Variants in LONRF2 observed in about 807,000 individuals in gnomAD.
The protein encoded by LONRF2 is LON peptidase N-terminal domain and ring finger 2.
A neutral mutation model predicts 66.6 loss-of-function variants in LONRF2; 35 were observed. The ratio of observed to expected loss-of-function variants is 0.53; its 90% CI spans 0.40 to 0.70. LONRF2 has a LOEUF of 0.70. LONRF2 is among the 30% of genes least tolerant of loss of function. The pLI, the probability that LONRF2 is intolerant of heterozygous loss-of-function variation, is 0.00. For missense variants in LONRF2, 902 were observed against 1,002.1 expected (o/e 0.90, Z 1.35); for synonymous variants, 417 against 418.1 (o/e 1.00, Z 0.03).
intron 3 of LONRF2, among the ~76,000 whole-genome samples, chr2:100,301,841 C>T (rs1190081076): frequency 3.3e-5 from 5 of 152,068 alleles, no homozygotes; most frequent in East Asian, 1.9e-4. Context: ...AGGAAGTTTC[C>T]GTATAGGACA....
At chr2:100,294,087 GT>G in intron 9 of LONRF2, 141 bp downstream of exon 9, 1 of 877,518 alleles carries the variant, frequency 1.1e-6, no homozygotes, top group Admixed American at 2.8e-5. Flanking sequence ...GGACTGCATT[GT>G]GGGCAGCCTT....
rs184705645 is a variant in LONRF2, at chr2:100,302,846, G to A, written c.921+75C>T. 3.8e-6 allele frequency: 5 copies of A among 1,331,436 alleles called. No individual in the cohort carries two copies. In the East Asian group the frequency reaches 1.3e-4, roughly 34 times the overall value. 82.5% of individuals were successfully genotyped at this position (1,331,436 alleles called of 1,614,324 possible). On this transcript the variant is annotated intron_variant, in intron 3 of 11. Coordinates refer to ENST00000393437, the MANE Select transcript of LONRF2 (RefSeq NM_198461.4). The stretch of plus-strand genomic sequence containing the variant: ...ATTATATTTCTTGTTTATTTCACAT[G>A]CAAGGGTTACTCAGCATGGACATGA...
intron 10 of LONRF2, among the ~76,000 whole-genome samples, chr2:100,287,717 T>G (rs1674875733): frequency 6.6e-6 from 1 of 152,148 alleles, no homozygotes; most frequent in South Asian, 2.1e-4. Flanking sequence ...CATCTGTCAT[T>G]TAAATTACGC....
chr2:100,286,895 G>T lies in LONRF2; in HGVS notation c.2070+19C>A, dbSNP rs7580252. On this transcript the variant is annotated intron_variant, in intron 11 of 11. Coordinates refer to ENST00000393437, the MANE Select transcript of LONRF2 (RefSeq NM_198461.4). ...CAGCAGGAAGTAACAGAATTATAAA[G>T]GAAAAAGGGAGGGCATACCTGAGGC... 0.011 allele frequency: 17,792 copies of T among 1,610,760 alleles called. 743 individuals are homozygous for T. In the African/African-American group the frequency reaches 0.14, roughly 12 times the overall value.
At chr2:100,285,065 T>C (rs572966101) in intron 11 of LONRF2, among the ~76,000 whole-genome samples, 2 of 152,354 alleles carry the variant, frequency 1.3e-5, no homozygotes, top group East Asian at 1.9e-4. Context: ...ACTTCTAGAC[T>C]AAGTGCTAGG....
intron 2 of LONRF2, among the ~76,000 whole-genome samples, chr2:100,308,139 G>T (rs1174024250): frequency 6.6e-6 from 1 of 152,078 alleles, no homozygotes; most frequent in Non-Finnish European, 1.5e-5. Flanking sequence ...GGAGGCTGAG[G>T]CAGGCAGATC....
intron 9 of LONRF2, among the ~76,000 whole-genome samples, chr2:100,291,861 T>A (rs1284703951): frequency 6.6e-6 from 1 of 152,210 alleles, no homozygotes; most frequent in Admixed American, 6.5e-5. Flanking sequence ...AACCTAGTGA[T>A]GTTCTCACGC....
At position 100,299,726 on chromosome 2, in the gene LONRF2, G is replaced by A; in HGVS notation, c.1258C>T (p.Pro420Ser). The change falls in exon 5 of 12, where the codon CCC becomes TCC. Residue 420 changes from proline (P) to serine (S), a missense_variant. Pro to Ser is a moderately conservative substitution (Grantham distance 74). Around this residue, in one of 2 missense-constraint regions of LONRF2, gnomAD observed 585 missense variants for 569.9 expected, o/e 1.03. Coordinates refer to ENST00000393437, the MANE Select transcript of LONRF2 (RefSeq NM_198461.4). ...APDLNAPGKI[P>S]KKDLSLQRSP... is the part of the protein sequence containing the mutation. The stretch of plus-strand genomic sequence containing the variant: ...AAAACAGTTCACTGACCTTTCTTGG[G>A]AATTTTTCCAGGGGCGTTCAGGTCA... 1 of 1,613,950 alleles carries A rather than the reference G, an allele frequency of 6.2e-7. No homozygotes were observed. Among genetic ancestry groups the A allele is most frequent in the Non-Finnish European group, 8.5e-7 (1 of 1,179,954 alleles).
At chr2:100,301,118 T>C (rs1395167148) in intron 3 of LONRF2, among the ~76,000 whole-genome samples, 1 of 152,208 alleles carries the variant, frequency 6.6e-6, no homozygotes, top group Non-Finnish European at 1.5e-5. Flanking sequence ...TAAAGGTTGC[T>C]GGGGGCCTTG....
chr2:100,321,515 G>T lies in LONRF2; in HGVS notation c.579C>A (p.Ala193=). The T allele has an allele frequency of 1.3e-6, 2 of 1,550,542 alleles. No homozygotes were observed. Among genetic ancestry groups the T allele is most frequent in the Non-Finnish European group, 1.7e-6 (2 of 1,160,414 alleles). The change falls in exon 1 of 12, where the codon GCC becomes GCA. Residue 193 remains alanine (A), a synonymous_variant. Coordinates refer to ENST00000393437, the MANE Select transcript of LONRF2 (RefSeq NM_198461.4). ...LSGLLEKCFP[A]ECRLRRLAGQ... is the part of the protein sequence containing the mutation. ...CTGCCAGCCTGCGCAGCCGGCACTC[G>T]GCCGGGAAGCACTTCTCCAGCAGGC...
chr2:100,302,975 G>T lies in LONRF2; in HGVS notation c.867C>A (p.Leu289=), dbSNP rs779458047. Residue 289 remains leucine, a synonymous_variant, in exon 3 of 12, where the codon CTC becomes CTA. Transcript: ENST00000393437. ...GRSKEVLKEF[L]YCLALNPECN... ...ATTCAGGATTCAGAGCAAGGCAGTA[G>T]AGAAATTCCTTTAACACTTCCTTAC... 9.9e-6 allele frequency: 16 copies of T among 1,612,052 alleles called. No homozygotes were observed. Among genetic ancestry groups the T allele is most frequent in the Middle Eastern group, 1.6e-4 (1 of 6,072 alleles).
intron 7 of LONRF2, among the ~76,000 whole-genome samples, chr2:100,297,383 C>A (rs1321130582): frequency 6.6e-6 from 1 of 152,090 alleles, no homozygotes; most frequent in Admixed American, 6.6e-5. Context: ...GTGACCCACC[C>A]GCCTCAGCCT....
chr2:100,285,742 G>A (rs1276497248), intron 11 of LONRF2, among the ~76,000 whole-genome samples: 1 of 152,144 alleles, frequency 6.6e-6, no homozygotes, highest in Non-Finnish European at 1.5e-5. Flanking sequence ...AAGCTGCAGA[G>A]ACAAGGAAAC....
At chr2:100,304,667 AGGCTGGCG>A (rs1675255603) in intron 2 of LONRF2, among the ~76,000 whole-genome samples, 1 of 137,170 alleles carries the variant, frequency 7.3e-6, no homozygotes, top group Non-Finnish European at 1.5e-5. Context: ...TCGCTCGTCC[AGGCTGGCG>A]TGCAGTGGTA....
intron 10 of LONRF2, among the ~76,000 whole-genome samples, chr2:100,288,565 A>T (rs1427837980): frequency 6.6e-6 from 1 of 152,228 alleles, no homozygotes; most frequent in African/African-American, 2.4e-5. Context: ...CACCAGTCTG[A>T]CCATCACCCA....
At chr2:100,298,048 A>G (rs1675107736) in intron 7 of LONRF2, among the ~76,000 whole-genome samples, 1 of 152,226 alleles carries the variant, frequency 6.6e-6, no homozygotes, top group Non-Finnish European at 1.5e-5. Flanking sequence ...GAAAGTAATT[A>G]AGGCAAATAT....
intron 9 of LONRF2, among the ~76,000 whole-genome samples, chr2:100,290,719 A>T (rs1287925447): frequency 6.6e-6 from 1 of 152,124 alleles, no homozygotes; most frequent in Non-Finnish European, 1.5e-5. Flanking sequence ...AAGAGATGAA[A>T]TCTCAAATGT....
In LONRF2 at chr2:100,295,406, C is replaced by G. The variant is rs182758360; in HGVS notation, c.1598+26G>C. 1.3e-5 allele frequency: 21 copies of G among 1,602,714 alleles called. No homozygotes were observed. The Admixed American group carries it at 3.6e-4, about 28-fold the overall frequency. Reference sequence around the variant, plus strand: ...ACAAAGTTCAATCTGAACTTAAGACCAAGGACACACAACATGAGCACTTAC... The same window carrying G: ...ACAAAGTTCAATCTGAACTTAAGACGAAGGACACACAACATGAGCACTTAC... On this transcript the variant is annotated intron_variant, in intron 8 of 11. Transcript: ENST00000393437.
intron 11 of LONRF2, among the ~76,000 whole-genome samples, chr2:100,285,294 C>T (rs1374539027): frequency 2.0e-5 from 3 of 152,154 alleles, no homozygotes; most frequent in Non-Finnish European, 4.4e-5. Flanking sequence ...CCAAAGCTCA[C>T]CAGGGGTAGC....
Sources: gnomAD v4.1 joint callset for allele counts (sites outside exome capture counted in the v4.1 genomes callset) on GRCh38, gnomAD v4.1.1 for gene constraint, gnomAD v4.1.1 regional missense constraint, MANE v1.5 for transcripts, NCBI Gene and HGNC (gene_info 2026-07-23, HGNC 2026-07-21) for gene names.